PALM2AKAP2: variants seen among roughly 807,000 people sequenced by gnomAD.
The protein encoded by PALM2AKAP2 is PALM2 and AKAP2 fusion.
In PALM2AKAP2, 37 loss-of-function variants were observed where a neutral mutation model predicts 71.5. The observed-to-expected ratio is 0.52, with a 90% CI of 0.40 to 0.68. The LOEUF (loss-of-function observed/expected upper bound fraction) is 0.68. PALM2AKAP2 is among the 30% of genes least tolerant of loss of function. PALM2AKAP2 has a pLI of 0.00. For synonymous variants in PALM2AKAP2, 468 were observed against 478.8 expected (o/e 0.98, Z 0.29); for missense variants, 1,224 against 1,191.8 (o/e 1.03, Z -0.40).
intron 3 of PALM2AKAP2, among the ~76,000 whole-genome samples, chr9:109,894,883 TG>T (rs1481654396): frequency 1.3e-5 from 2 of 152,148 alleles, no homozygotes; most frequent in African/African-American, 4.8e-5. Context: ...CCCAGAGTGC[TG>T]GGATTACAAG....
At chr9:109,656,064 A>C (rs957769127) in intron 1 of PALM2AKAP2, among the ~76,000 whole-genome samples, 16 of 152,242 alleles carry the variant, frequency 1.1e-4, no homozygotes, top group African/African-American at 3.6e-4. Flanking sequence ...ATAAATAAGC[A>C]ATTCTAGATA....
At chr9:109,934,495 A>T (rs1439430333) in intron 6 of PALM2AKAP2, among the ~76,000 whole-genome samples, 1 of 152,146 alleles carries the variant, frequency 6.6e-6, no homozygotes, top group Non-Finnish European at 1.5e-5. Context: ...GCTGGTATTG[A>T]GATGATGAGA....
At chr9:109,939,139 C>T (rs542001288) in intron 6 of PALM2AKAP2, among the ~76,000 whole-genome samples, 24 of 152,268 alleles carry the variant, frequency 1.6e-4, no homozygotes, top group Non-Finnish European at 2.8e-4. Flanking sequence ...TGCTCTAAAG[C>T]ATCATTTACC....
intron 1 of PALM2AKAP2, among the ~76,000 whole-genome samples, chr9:110,118,636 T>C (rs1835418911): frequency 6.6e-6 from 1 of 152,202 alleles, no homozygotes; most frequent in South Asian, 2.1e-4. Context: ...CTTTCCCACC[T>C]GTCTCTCTGT....
At chr9:110,085,349 G>T (rs1451616017) in intron 1 of PALM2AKAP2, among the ~76,000 whole-genome samples, 1 of 152,090 alleles carries the variant, frequency 6.6e-6, no homozygotes, top group Non-Finnish European at 1.5e-5. Context: ...ATAAGAGGTG[G>T]GATACAGGAA....
chr9:109,722,509 C>T (rs1828420207), intron 1 of PALM2AKAP2, among the ~76,000 whole-genome samples: 2 of 152,176 alleles, frequency 1.3e-5, no homozygotes, highest in South Asian at 4.1e-4. Flanking sequence ...AGATGCCTCA[C>T]ACCTGTAATC....
intron 1 of PALM2AKAP2, among the ~76,000 whole-genome samples, chr9:109,645,471 C>A (rs762701594): frequency 6.6e-5 from 10 of 150,478 alleles, no homozygotes; most frequent in Non-Finnish European, 1.0e-4. Flanking sequence ...AAAATGAAAC[C>A]TAGTGAAAAT....
exon 2 of PALM2AKAP2, chr9:110,137,770 T>A: frequency 6.2e-7 from 1 of 1,614,152 alleles, no homozygotes; most frequent in Non-Finnish European, 8.5e-7. Context: ...AGACAACCAA[T>A]GCCCTCCAGG....
At chr9:109,768,080 G>T (rs1006061791) in intron 1 of PALM2AKAP2, among the ~76,000 whole-genome samples, 1 of 149,874 alleles carries the variant, frequency 6.7e-6, no homozygotes, top group Non-Finnish European at 1.5e-5. Context: ...AAGGAGGAAG[G>T]GAGGGAAGAC....
exon 1 of PALM2AKAP2, chr9:110,048,755 C>G: frequency 6.5e-7 from 1 of 1,538,956 alleles, no homozygotes. Context: ...TCTCCTGGAC[C>G]CCCGGAGTCT....
At chr9:109,668,375 G>C (rs1174591100) in intron 1 of PALM2AKAP2, among the ~76,000 whole-genome samples, 1 of 152,202 alleles carries the variant, frequency 6.6e-6, no homozygotes, top group Non-Finnish European at 1.5e-5. Context: ...CTTTCTAGCA[G>C]GAGGGCTTAC....
At chr9:109,791,472 C>T (rs1827110237) in intron 1 of PALM2AKAP2, among the ~76,000 whole-genome samples, 1 of 152,154 alleles carries the variant, frequency 6.6e-6, no homozygotes, top group South Asian at 2.1e-4. Context: ...GAGCCTTTTC[C>T]AGCCTTCCTC....
intron 1 of PALM2AKAP2, among the ~76,000 whole-genome samples, chr9:109,774,148 C>T (rs1829315606): frequency 6.6e-6 from 1 of 152,198 alleles, no homozygotes; most frequent in Non-Finnish European, 1.5e-5. Context: ...TTGATGGCCA[C>T]GCTACCAAAA....
chr9:109,679,150 C>T (rs1208261067), intron 1 of PALM2AKAP2, among the ~76,000 whole-genome samples: 6 of 152,138 alleles, frequency 3.9e-5, no homozygotes, highest in Non-Finnish European at 8.8e-5. Context: ...TTATGTATTG[C>T]CAGGCTGTGG....
chr9:109,643,014 C>A (rs910793816), intron 1 of PALM2AKAP2, among the ~76,000 whole-genome samples: 21 of 145,188 alleles, frequency 1.4e-4, no homozygotes, highest in African/African-American at 4.9e-4. Flanking sequence ...AAAACCTCAT[C>A]TCAAAAAAAG....
At chr9:109,760,145 T>G (rs1829029743) in intron 1 of PALM2AKAP2, among the ~76,000 whole-genome samples, 1 of 152,166 alleles carries the variant, frequency 6.6e-6, no homozygotes, top group Non-Finnish European at 1.5e-5. Context: ...AAAAGAATCA[T>G]GCATCCTGTA....
chr9:109,640,788 G>A lies in PALM2AKAP2; in HGVS notation c.-74G>A, dbSNP rs1827052951. The A allele has an allele frequency of 2.7e-6, 4 of 1,490,104 alleles. No homozygotes were observed. The East Asian group carries it at 8.2e-5, about 31-fold the overall frequency. 92.3% of individuals were successfully genotyped at this position (1,490,104 alleles called of 1,614,324 possible). ...CTCCACCTCGCGCGCGGCGCGGCCA[G>A]TGCACTCGGCTCCGGGAGAGGCGAG... On this transcript the variant is annotated 5_prime_UTR_variant, in exon 1 of 7. Transcript: ENST00000374531.
chr9:109,723,657 A>G (rs1278992858), intron 1 of PALM2AKAP2, among the ~76,000 whole-genome samples: 1 of 152,234 alleles, frequency 6.6e-6, no homozygotes. Flanking sequence ...CGGAAAAAGA[A>G]AAAGGCATTT....
chr9:110,101,938 C>T (rs554998262), intron 1 of PALM2AKAP2, among the ~76,000 whole-genome samples: 49 of 152,342 alleles, frequency 3.2e-4, no homozygotes, highest in Admixed American at 7.2e-4. Flanking sequence ...ACCACCAATG[C>T]GTCTACCACC....
Sources: allele counts gnomAD v4.1 joint callset (sites outside exome capture counted in the v4.1 genomes callset), GRCh38; gene constraint gnomAD v4.1.1; transcripts MANE v1.5; gene names NCBI Gene and HGNC (gene_info 2026-07-23, HGNC 2026-07-21).